ACAD9: variants seen among roughly 807,000 people sequenced by gnomAD.
The protein encoded by ACAD9 is acyl-CoA dehydrogenase family member 9.
In ACAD9, 53 loss-of-function variants were observed where a neutral mutation model predicts 70.2. The ratio of observed to expected loss-of-function variants is 0.75; its 90% confidence interval spans 0.61 to 0.95. ACAD9 has a LOEUF of 0.95. Among genes scored for constraint, ACAD9 ranks in the 40% least tolerant of loss-of-function variants. The pLI, the probability that ACAD9 is intolerant of heterozygous loss-of-function variation, is 0.00. For synonymous variants in ACAD9, 313 were observed against 312.1 expected, an observed-to-expected ratio of 1.00 and a Z score of -0.03; for missense variants, 777 against 802.8, an observed-to-expected ratio of 0.97 and a Z score of 0.39.
chr3:128,879,983 T>C (rs1374219453), intron 1 of ACAD9, 142 bp downstream of exon 1: 3 of 1,549,784 alleles, frequency 1.9e-6, no homozygotes, highest in South Asian at 2.4e-5. Context: ...ACACTCCGGA[T>C]TCCTGAGTTC....
chr3:128,912,463 A>ATG, intron 17 of ACAD9, 44 bp from the exon 18 acceptor site: 1 of 1,561,896 alleles, frequency 6.4e-7, no homozygotes, highest in Non-Finnish European at 8.8e-7. Context: ...TTGTCTTATC[A>ATG]CGGTGCAGAA....
chr3:128,909,585 G>A, intron 15 of ACAD9, 164 bp downstream of exon 15: 1 of 758,982 alleles, frequency 1.3e-6, no homozygotes, highest in Non-Finnish European at 2.2e-6. Flanking sequence ...TGTCAGCCTG[G>A]GGCCCACTTA....
intron 2 of ACAD9, among the ~76,000 whole-genome samples, chr3:128,885,570 T>C (rs1935221553): frequency 6.6e-6 from 1 of 152,150 alleles, no homozygotes; most frequent in Non-Finnish European, 1.5e-5. Flanking sequence ...TTTTTTGTAT[T>C]TTTCATAGAG....
chr3:128,882,630 A>G (rs747960038), intron 1 of ACAD9, among the ~76,000 whole-genome samples: 3 of 151,910 alleles, frequency 2.0e-5, no homozygotes, highest in Admixed American at 1.3e-4. Context: ...GAACTGCTGC[A>G]GGGATGGGTG....
At position 128,896,498 on chromosome 3, in the gene ACAD9, G is replaced by T. The variant is rs1935574815; in HGVS notation, c.516G>T (p.Gly172=). 1 of 1,614,072 alleles carries T rather than the reference G, an allele frequency of 6.2e-7. No individual in the cohort carries two copies. Reference sequence around the variant, plus strand: ...AATACTTGCCTAAACTGGCGTCCGGGGAGCACATTGCAGCCTTCTGCCTCA... The same window carrying T: ...AATACTTGCCTAAACTGGCGTCCGGTGAGCACATTGCAGCCTTCTGCCTCA... The part of the protein sequence containing the change: ...KAKYLPKLAS[G]EHIAAFCLTE... Residue 172 remains glycine, a synonymous_variant, in exon 5 of 18, where the codon GGG becomes GGT. Transcript: ENST00000308982.
chr3:128,912,457 C>T lies in ACAD9; in HGVS notation c.1766-50C>T, dbSNP rs747846480. On this transcript the variant is annotated intron_variant, in intron 17 of 17. Coordinates refer to ENST00000308982, the MANE Select transcript of ACAD9 (RefSeq NM_014049.5). ...ATGCCCCCACTTCAGCCATGTTTGT[C>T]TTATCACGGTGCAGAAAGATCACCC... is the stretch of plus-strand genomic sequence containing the variant. The T allele has an allele frequency of 1.9e-6, 3 of 1,548,802 alleles. No homozygotes were observed. The South Asian group carries it at 3.4e-5, about 17-fold the overall frequency.
At chr3:128,880,002 C>CCTT (rs1576326148) in intron 1 of ACAD9, 161 bp downstream of exon 1, 7 of 1,549,198 alleles carry the variant, frequency 4.5e-6, no homozygotes, top group Non-Finnish European at 6.1e-6. Flanking sequence ...TCCAGGAAAA[C>CCTT]CTTCCCAGAG....
intron 5 of ACAD9, among the ~76,000 whole-genome samples, chr3:128,896,939 G>C (rs985555863): frequency 2.6e-5 from 4 of 152,114 alleles, no homozygotes; most frequent in African/African-American, 9.7e-5. Context: ...GCAGCACTCG[G>C]GACTCTGATG....
intron 7 of ACAD9, among the ~76,000 whole-genome samples, chr3:128,899,785 C>T (rs1433267836): frequency 6.6e-6 from 1 of 152,174 alleles, no homozygotes; most frequent in African/African-American, 2.4e-5. Flanking sequence ...CTTACAGTCC[C>T]CAGCCTTTAG....
At chr3:128,896,341 A>G in intron 4 of ACAD9, 95 bp from the exon 5 acceptor site, 1 of 1,310,646 alleles carries the variant, frequency 7.6e-7, no homozygotes. Flanking sequence ...TCTTGCCCGA[A>G]GTAAATATTT....
intron 5 of ACAD9, 94 bp downstream of exon 5, chr3:128,896,630 C>A: frequency 8.2e-7 from 1 of 1,221,236 alleles, no homozygotes; most frequent in Non-Finnish European, 1.2e-6. Flanking sequence ...GAGTAGCTGA[C>A]TTTTCCTTCT....
At chr3:128,896,619 T>C (rs1935578012) in intron 5 of ACAD9, 83 bp downstream of exon 5, 1 of 1,377,202 alleles carries the variant, frequency 7.3e-7, no homozygotes, top group African/African-American at 1.4e-5. Context: ...TTGGTTTTGT[T>C]GAGTAGCTGA....
At chr3:128,907,493 T>C (rs1163005648) in intron 12 of ACAD9, among the ~76,000 whole-genome samples, 1 of 152,156 alleles carries the variant, frequency 6.6e-6, no homozygotes, top group Non-Finnish European at 1.5e-5. Flanking sequence ...GTCTGGAGCC[T>C]GCTCGGAGCT....
chr3:128,899,030 G>C (rs140384832), intron 6 of ACAD9, among the ~76,000 whole-genome samples: 74 of 152,272 alleles, frequency 4.9e-4, no homozygotes, highest in African/African-American at 1.6e-3. Flanking sequence ...TGAGCTGTCT[G>C]ACAACTTTGG....
chr3:128,896,027 A>G (rs1189819136), intron 4 of ACAD9, among the ~76,000 whole-genome samples: 1 of 152,170 alleles, frequency 6.6e-6, no homozygotes, highest in Non-Finnish European at 1.5e-5. Flanking sequence ...CTTCTTTAGG[A>G]TAGGCTTGGT....
chr3:128,901,395 G>T, intron 8 of ACAD9, 46 bp downstream of exon 8: 1 of 1,600,732 alleles, frequency 6.2e-7, no homozygotes, highest in Non-Finnish European at 8.6e-7. Flanking sequence ...TGTCATGAGT[G>T]CAGTTTGTCG....
rs763096486 is a variant in ACAD9 at position 128,879,670 on chromosome 3, A to G, written c.-22A>G. 23 of 1,611,778 alleles carry G rather than the reference A, an allele frequency of 1.4e-5. No individual in the cohort carries two copies. The highest frequency in any genetic ancestry group is 1.9e-5 in the Non-Finnish European group (23 of 1,179,816). On this transcript the variant is annotated 5_prime_UTR_variant, in exon 1 of 18. Coordinates refer to ENST00000308982, the MANE Select transcript of ACAD9 (RefSeq NM_014049.5). ...CGCTAAGAAGGGGAGACTGAGGCTG[A>G]GGCTGGGGAACATCGGGCAGCATGA...
intron 1 of ACAD9, 67 bp from the exon 2 acceptor site, chr3:128,884,586 A>T: frequency 8.4e-7 from 1 of 1,191,628 alleles, no homozygotes; most frequent in Non-Finnish European, 1.2e-6. Flanking sequence ...CTTCCCTTTT[A>T]ACTGATATTT....
intron 15 of ACAD9, 103 bp downstream of exon 15, chr3:128,909,524 C>G (rs1055854216): frequency 5.6e-6 from 7 of 1,261,176 alleles, no homozygotes; most frequent in Non-Finnish European, 8.0e-6. Flanking sequence ...AGGCCTAGAA[C>G]AGAAATGTTG....
Sources: gnomAD v4.1 joint callset for allele counts (sites outside exome capture counted in the v4.1 genomes callset) on GRCh38, gnomAD v4.1.1 for gene constraint, MANE v1.5 for transcripts, NCBI Gene and HGNC (gene_info 2026-07-23, HGNC 2026-07-21) for gene names.